Variants in TNPO3 observed in about 807,000 individuals in gnomAD.
TNPO3 encodes transportin 3, also known as transportin-3.
Under a neutral mutation model 122.8 loss-of-function variants are expected in TNPO3, and 65 were observed. The observed-to-expected ratio is 0.53, with a 90% confidence interval of 0.43 to 0.65. The LOEUF (loss-of-function observed/expected upper bound fraction) is 0.65. Among genes scored for constraint, TNPO3 ranks in the 30% least tolerant of loss-of-function variants. TNPO3 has a pLI of 0.00. For synonymous variants in TNPO3, 372 were observed against 411.2 expected (o/e 0.90, Z 1.15); for missense variants, 850 against 1,136.7 (o/e 0.75, Z 3.63).
chr7:128,956,923 C>T (rs980415205), intron 22 of TNPO3, among the ~76,000 whole-genome samples: 3 of 152,310 alleles, frequency 2.0e-5, no homozygotes, highest in Admixed American at 1.3e-4. Flanking sequence ...TGTACACTTA[C>T]CATCTTAGAA....
At chr7:129,039,281 C>T (rs541129402) in intron 1 of TNPO3, among the ~76,000 whole-genome samples, 1 of 152,204 alleles carries the variant, frequency 6.6e-6, no homozygotes, top group East Asian at 1.9e-4. Flanking sequence ...AGCGTTATCA[C>T]CCAGGCACAG....
intron 11 of TNPO3, 81 bp downstream of exon 11, chr7:128,989,880 A>G: frequency 6.6e-7 from 1 of 1,518,324 alleles, no homozygotes; most frequent in Non-Finnish European, 9.0e-7. Flanking sequence ...AGAAAGGAAA[A>G]CACATGCAAA....
chr7:129,034,686 G>A (rs1165427089), intron 1 of TNPO3, among the ~76,000 whole-genome samples: 6 of 150,382 alleles, frequency 4.0e-5, no homozygotes, highest in Admixed American at 3.3e-4. Flanking sequence ...TCAGGAGATT[G>A]AGACCATCCT....
chr7:129,025,074 C>A, intron 1 of TNPO3, among the ~76,000 whole-genome samples: 1 of 150,268 alleles, frequency 6.7e-6, no homozygotes, highest in East Asian at 2.0e-4. Context: ...ACAGGCCGGG[C>A]GCAGTGGCTC....
chr7:128,986,624 A>T, intron 12 of TNPO3, 105 bp downstream of exon 12: 1 of 1,078,968 alleles, frequency 9.3e-7, no homozygotes. Flanking sequence ...ATAAATTCTT[A>T]AACACTAAGT....
chr7:129,030,205 T>C (rs1386733189), intron 1 of TNPO3: 3 of 187,186 alleles, frequency 1.6e-5, no homozygotes, highest in Non-Finnish European at 3.5e-5. Flanking sequence ...AGAAGTATTA[T>C]TCATCCAGTA....
chr7:129,038,838 G>A (rs1012301784), intron 1 of TNPO3, among the ~76,000 whole-genome samples: 5 of 152,196 alleles, frequency 3.3e-5, no homozygotes, highest in Non-Finnish European at 7.3e-5. Context: ...GTAAGAGGTT[G>A]AGAGGAGGGA....
intron 5 of TNPO3, 95 bp downstream of exon 5, chr7:129,004,921 A>T: frequency 8.2e-7 from 1 of 1,212,794 alleles, no homozygotes; most frequent in Non-Finnish European, 1.2e-6. Flanking sequence ...CCTTCCAGTT[A>T]CTGTGCAAAA....
intron 1 of TNPO3, among the ~76,000 whole-genome samples, chr7:129,038,836 T>C (rs1807020598): frequency 6.6e-6 from 1 of 151,478 alleles, no homozygotes; most frequent in Non-Finnish European, 1.5e-5. Context: ...AGGTAAGAGG[T>C]TGAGAGGAGG....
chr7:128,958,137 C>CTTTTTTTTTTTTTTTT (rs55683535), intron 21 of TNPO3, among the ~76,000 whole-genome samples: 2 of 96,220 alleles, frequency 2.1e-5, no homozygotes, highest in African/African-American at 4.1e-5. Context: ...GAAGCACTTC[C>CTTTTTTTTTTTTTTTT]TTTTTTTTTT....
chr7:129,021,306 G>C lies in TNPO3; in HGVS notation c.121-3149C>G, dbSNP rs185608809. Among the ~76,000 whole-genome samples, 106 of 148,768 alleles carry C rather than the reference G, an allele frequency of 7.1e-4. 1 individual carries two copies. Among genetic ancestry groups the C allele is most frequent in the African/African-American group, 2.4e-3 (98 of 40,338 alleles). On this transcript the variant is annotated intron_variant, in intron 1 of 22. Transcript: ENST00000265388. Reference sequence around the variant, plus strand: ...GGAGACGGTGGTTGCAGTGAGCCGAGATCGCACCACTGCACTCCAGCCTGG... The same window carrying C: ...GGAGACGGTGGTTGCAGTGAGCCGACATCGCACCACTGCACTCCAGCCTGG...
At chr7:128,959,166 T>C (rs1797193252) in intron 21 of TNPO3, among the ~76,000 whole-genome samples, 1 of 152,238 alleles carries the variant, frequency 6.6e-6, no homozygotes. Context: ...TGTGAGCCCA[T>C]ATCACTCATG....
intron 1 of TNPO3, chr7:129,041,772 C>T (rs1274480460): frequency 1.0e-6 from 1 of 982,318 alleles, no homozygotes; most frequent in Non-Finnish European, 1.2e-6. Context: ...TTCCATTTCA[C>T]AAAGCAGTAG....
intron 19 of TNPO3, among the ~76,000 whole-genome samples, 173 bp downstream of exon 19, chr7:128,972,253 C>T (rs1288943289): frequency 6.6e-6 from 1 of 152,204 alleles, no homozygotes; most frequent in Admixed American, 6.5e-5. Context: ...GCCTAAAGCA[C>T]CCAGCACAAG....
rs142057742 is a variant in TNPO3 at position 128,975,700 on chromosome 7, C to T, written c.2178+119G>A. On this transcript the variant is annotated intron_variant, in intron 17 of 22. Coordinates refer to ENST00000265388, the MANE Select transcript of TNPO3 (RefSeq NM_012470.4). Reference sequence around the variant, plus strand: ...TTCCACCTCCCTGTTATTAGGAAATCAACATGCCTGGGGGAAAACATAAAG... The same window carrying T: ...TTCCACCTCCCTGTTATTAGGAAATTAACATGCCTGGGGGAAAACATAAAG... The T allele has an allele frequency of 4.1e-3, 2,814 of 684,406 alleles. 10 individuals are homozygous for T. The highest frequency in any genetic ancestry group is 6.1e-3 in the Non-Finnish European group (2,381 of 393,300). 42.4% of individuals were successfully genotyped at this position (684,406 alleles called of 1,614,324 possible).
At chr7:129,016,914 T>C (rs1420860510) in intron 3 of TNPO3, 69 bp downstream of exon 3, 3 of 1,362,494 alleles carry the variant, frequency 2.2e-6, no homozygotes, top group Non-Finnish European at 3.1e-6. Context: ...TAGCTATTGC[T>C]AACAAATTTC....
At chr7:129,027,558 C>CAAAAAAAAAAAAAAAAAA (rs71162549) in intron 1 of TNPO3, among the ~76,000 whole-genome samples, 3 of 8,972 alleles carry the variant, frequency 3.3e-4, no homozygotes, top group Non-Finnish European at 5.4e-4. Flanking sequence ...AAGACTGTCT[C>CAAAAAAAAAAAAAAAAAA]AAAAAAAAAA....
chr7:128,986,380 C>G (rs192869598), intron 12 of TNPO3, among the ~76,000 whole-genome samples: 26 of 152,300 alleles, frequency 1.7e-4, no homozygotes, highest in African/African-American at 5.8e-4. Flanking sequence ...CTTTCAACTC[C>G]CATTTACCTC....
chr7:128,991,399 A>G (rs561515237), intron 10 of TNPO3, among the ~76,000 whole-genome samples: 3 of 152,334 alleles, frequency 2.0e-5, no homozygotes, highest in Admixed American at 1.3e-4. Flanking sequence ...AGATATTAAC[A>G]TCGATTTATA....
Sources: gnomAD v4.1 joint callset for allele counts (sites outside exome capture counted in the v4.1 genomes callset) on GRCh38, gnomAD v4.1.1 for gene constraint, MANE v1.5 for transcripts, NCBI Gene and HGNC (gene_info 2026-07-23, HGNC 2026-07-21) for gene names.